The following ZBBX variants were observed in gnomAD, a reference collection of about 807,000 sequenced individuals.
ZBBX encodes zinc finger B-box domain containing, also known as zinc finger B-box domain-containing protein 1.
In ZBBX, 101 loss-of-function variants were observed where a neutral mutation model predicts 108.5. That is an observed-to-expected ratio of 0.93 (90% confidence interval 0.79 to 1.10). The LOEUF (loss-of-function observed/expected upper bound fraction) is 1.10. Among genes scored for constraint, ZBBX ranks in the 50% least tolerant of loss-of-function variants. The pLI, the probability that ZBBX is intolerant of heterozygous loss-of-function variation, is 0.00. For synonymous variants in ZBBX, 356 were observed against 323.4 expected (o/e 1.10, Z -1.08); for missense variants, 1,009 against 941.4 (o/e 1.07, Z -0.94).
intron 15 of ZBBX, among the ~76,000 whole-genome samples, chr3:167,314,867 A>G (rs1735172975): frequency 1.3e-5 from 2 of 152,214 alleles, no homozygotes; most frequent in African/African-American, 4.8e-5. Context: ...ATATAAAAGA[A>G]TCCGATTAGA....
intron 16 of ZBBX, among the ~76,000 whole-genome samples, chr3:167,309,991 T>C (rs1266769096): frequency 6.6e-6 from 1 of 152,210 alleles, no homozygotes; most frequent in Non-Finnish European, 1.5e-5. Flanking sequence ...TATGACTATA[T>C]GCTTTTTGAA....
chr3:167,252,309 G>A, intron 20 of ZBBX: 1 of 704,956 alleles, frequency 1.4e-6, no homozygotes, highest in Non-Finnish European at 2.1e-6. Context: ...AGCATCCAGT[G>A]GTGTGGAGGT....
At chr3:167,195,492 A>G in the ZBBX span, among the ~76,000 whole-genome samples, 1 of 152,238 alleles carries the variant, frequency 6.6e-6, no homozygotes, top group Non-Finnish European at 1.5e-5. Context: ...AATCTTTTAC[A>G]TATAAATTCA....
intron 1 of ZBBX, among the ~76,000 whole-genome samples, chr3:167,403,618 A>C (rs1397923665): frequency 6.6e-6 from 1 of 152,112 alleles, no homozygotes; most frequent in Non-Finnish European, 1.5e-5. Flanking sequence ...TATATGAAAA[A>C]GTAAAATGCT....
chr3:167,339,971 T>A (rs1488887680), intron 9 of ZBBX, among the ~76,000 whole-genome samples: 1 of 152,116 alleles, frequency 6.6e-6, no homozygotes, highest in African/African-American at 2.4e-5. Context: ...GCTTCTTCCA[T>A]CAAGAATCAT....
At chr3:167,231,019 T>G in the ZBBX span, among the ~76,000 whole-genome samples, 2 of 151,600 alleles carry the variant, frequency 1.3e-5, no homozygotes, top group Non-Finnish European at 3.0e-5. Context: ...AAAAAGAGGA[T>G]TCGAAGGAAA....
At chr3:167,244,125 G>T (rs1362340739) in intron 20 of ZBBX, among the ~76,000 whole-genome samples, 3 of 152,220 alleles carry the variant, frequency 2.0e-5, no homozygotes, top group Admixed American at 1.3e-4. Flanking sequence ...GGCCCATGAA[G>T]AACTAATAAC....
At chr3:167,406,458 T>C (rs1170067179) in intron 1 of ZBBX, among the ~76,000 whole-genome samples, 1 of 152,102 alleles carries the variant, frequency 6.6e-6, no homozygotes, top group Non-Finnish European at 1.5e-5. Context: ...CAGTGGCTCA[T>C]CCCTGTGATC....
chr3:167,218,118 G>A, the ZBBX span, among the ~76,000 whole-genome samples: 1 of 152,028 alleles, frequency 6.6e-6, no homozygotes, highest in Non-Finnish European at 1.5e-5. Flanking sequence ...GTGAGAGGGT[G>A]GGAGGAGGGA....
chr3:167,257,431 A>T (rs1169489189), intron 20 of ZBBX, among the ~76,000 whole-genome samples: 1 of 152,106 alleles, frequency 6.6e-6, no homozygotes, highest in Non-Finnish European at 1.5e-5. Context: ...TCTAAAACAT[A>T]CAGTACTATG....
intron 17 of ZBBX, among the ~76,000 whole-genome samples, chr3:167,303,520 G>A (rs867590002): frequency 2.6e-5 from 4 of 152,102 alleles, no homozygotes; most frequent in South Asian, 2.1e-4. Context: ...CTTCCTTCCA[G>A]GTTTAATTTC....
At position 167,368,587 on chromosome 3, in the gene ZBBX, G is replaced by C. The variant is rs113146850; in HGVS notation, c.69-13C>G. 3.2e-4 allele frequency: 504 copies of C among 1,552,910 alleles called. No homozygotes were observed. The highest frequency in any genetic ancestry group is 3.8e-4 in the Non-Finnish European group (437 of 1,150,748). ...TTCTTGAGCATTTCTGAAGACATAAGATTTAAATGGAGAAAGCAGAAAAAC... is the reference window on the plus strand; with the variant it reads ...TTCTTGAGCATTTCTGAAGACATAACATTTAAATGGAGAAAGCAGAAAAAC... On this transcript the variant is annotated splice_polypyrimidine_tract_variant and intron_variant, in intron 4 of 21. Coordinates refer to ENST00000675490, the MANE Select transcript of ZBBX (RefSeq NM_001199201.2).
chr3:167,383,996 G>C (rs1747826622), upstream of ZBBX, among the ~76,000 whole-genome samples: 2 of 152,072 alleles, frequency 1.3e-5, no homozygotes, highest in African/African-American at 2.4e-5. Flanking sequence ...AGAATGAAAA[G>C]TTGTGCTAGG....
At chr3:167,353,146 T>G (rs1742957679) in intron 8 of ZBBX, among the ~76,000 whole-genome samples, 1 of 152,012 alleles carries the variant, frequency 6.6e-6, no homozygotes, top group Non-Finnish European at 1.5e-5. Flanking sequence ...AAGAAAGAAA[T>G]AAAAGGCATC....
At chr3:167,285,709 A>G (rs779116368) in intron 19 of ZBBX, among the ~76,000 whole-genome samples, 1 of 152,134 alleles carries the variant, frequency 6.6e-6, no homozygotes, top group Non-Finnish European at 1.5e-5. Context: ...CAATTATAAA[A>G]TTATTTATCA....
chr3:167,296,735 T>C (rs751320920), intron 18 of ZBBX, among the ~76,000 whole-genome samples: 2 of 151,686 alleles, frequency 1.3e-5, no homozygotes, highest in African/African-American at 2.4e-5. Context: ...AAGCCACACA[T>C]AAAAAGAAAC....
the ZBBX span, among the ~76,000 whole-genome samples, chr3:167,193,632 G>A: frequency 1.3e-5 from 2 of 151,974 alleles, no homozygotes; most frequent in African/African-American, 4.8e-5. Context: ...CACCATTTTG[G>A]TGGTTCTCCC....
At chr3:167,320,349 TAAC>T (rs1736234313) in intron 12 of ZBBX, among the ~76,000 whole-genome samples, 1 of 148,622 alleles carries the variant, frequency 6.7e-6, no homozygotes. Flanking sequence ...GCAAAATAAA[TAAC>T]AATAATATTA....
chr3:167,266,436 G>A (rs771838499), intron 20 of ZBBX, among the ~76,000 whole-genome samples: 15 of 151,908 alleles, frequency 9.9e-5, no homozygotes, highest in Non-Finnish European at 1.8e-4. Flanking sequence ...CCCCCTTCCC[G>A]TCAGTTCTAA....
Sources: gnomAD v4.1 joint callset for allele counts (sites outside exome capture counted in the v4.1 genomes callset) on GRCh38, gnomAD v4.1.1 for gene constraint, MANE v1.5 for transcripts, NCBI Gene and HGNC (gene_info 2026-07-23, HGNC 2026-07-21) for gene names.